Variants in CNOT4 observed in about 807,000 individuals in gnomAD.
CNOT4 encodes the protein CCR4-associated factor 4.
CNOT4 carries 8 observed loss-of-function variants against 73.8 expected under a neutral mutation model. That is an observed-to-expected ratio of 0.11 (90% CI 0.06 to 0.20). The LOEUF (loss-of-function observed/expected upper bound fraction) is 0.20, where lower values mean the gene tolerates loss of function less well. Among genes scored for constraint, CNOT4 ranks in the 10% least tolerant of loss-of-function variants. The probability of loss-of-function intolerance (pLI) is 1.00; values close to 1 mark genes in which losing one functional copy is unlikely to be tolerated. For missense variants in CNOT4, 564 were observed against 883.4 expected (o/e 0.64, Z 4.58); for synonymous variants, 293 against 321.1 (o/e 0.91, Z 0.94).
intron 1 of CNOT4, among the ~76,000 whole-genome samples, chr7:135,503,544 T>C (rs1804144666): frequency 6.6e-6 from 1 of 152,192 alleles, no homozygotes; most frequent in Non-Finnish European, 1.5e-5. Context: ...AACAGGTACA[T>C]GGTGGTTCAT....
chr7:135,484,899 G>T (rs1802619639), intron 1 of CNOT4, among the ~76,000 whole-genome samples: 1 of 152,012 alleles, frequency 6.6e-6, no homozygotes, highest in Admixed American at 6.6e-5. Context: ...CAAAATACAT[G>T]CAGGATCTAT....
chr7:135,362,080 G>C lies in CNOT4; in HGVS notation c.*805C>G, dbSNP rs546663523. 2.0e-5 allele frequency: 3 copies of C among 152,672 alleles called. No individual in the cohort carries two copies. In the East Asian group the frequency reaches 5.8e-4, roughly 29 times the overall value. The allele number at this position is 152,672 out of a possible 1,614,324, so 9.5% of individuals were successfully genotyped here. ...TTTATGGTAAAACAAAAAAGATTCC[G>C]ACAGAGGAGAAGGACTGAAGAAATG... On this transcript the variant is annotated 3_prime_UTR_variant, in exon 12 of 12. Coordinates refer to ENST00000541284, the MANE Select transcript of CNOT4 (RefSeq NM_001190850.2).
intron 10 of CNOT4, among the ~76,000 whole-genome samples, chr7:135,389,579 CAT>C (rs1346292107): frequency 2.2e-4 from 33 of 152,010 alleles, no homozygotes; most frequent in Non-Finnish European, 4.4e-4. Flanking sequence ...TTGTTTCACA[CAT>C]GACTCAAAAT....
At chr7:135,505,339 G>A (rs527283917) in intron 1 of CNOT4, among the ~76,000 whole-genome samples, 1 of 152,272 alleles carries the variant, frequency 6.6e-6, no homozygotes, top group South Asian at 2.1e-4. Context: ...CAGATCACGA[G>A]GTCAGCAGTT....
chr7:135,502,055 A>T (rs1173692706), intron 1 of CNOT4, among the ~76,000 whole-genome samples: 1 of 152,070 alleles, frequency 6.6e-6, no homozygotes, highest in Admixed American at 6.5e-5. Context: ...TTGCTCTTCT[A>T]CCTTACACCA....
intron 1 of CNOT4, among the ~76,000 whole-genome samples, chr7:135,503,274 G>A (rs141238684): frequency 6.6e-6 from 1 of 152,162 alleles, no homozygotes; most frequent in East Asian, 1.9e-4. Flanking sequence ...AGACTACCCT[G>A]GGCAACAGGG....
At chr7:135,428,848 C>T (rs1383603061) in intron 2 of CNOT4, among the ~76,000 whole-genome samples, 2 of 152,250 alleles carry the variant, frequency 1.3e-5, no homozygotes, top group African/African-American at 4.8e-5. Context: ...TAAAAAGTCT[C>T]CCAAGGAGGA....
intron 1 of CNOT4, among the ~76,000 whole-genome samples, chr7:135,498,144 T>C (rs1479796379): frequency 1.3e-5 from 2 of 151,666 alleles, no homozygotes; most frequent in African/African-American, 4.9e-5. Flanking sequence ...AACATTCATA[T>C]GTAGGAAGCC....
At position 135,391,050 on chromosome 7, in the gene CNOT4, G is replaced by C. The variant is rs188413996; in HGVS notation, c.1627+2868C>G. Among the ~76,000 whole-genome samples, 326 of 152,160 alleles carry C rather than the reference G, an allele frequency of 2.1e-3. 1 individual carries two copies. Among genetic ancestry groups the C allele is most frequent in the Admixed American group, 3.3e-3 (50 of 15,286 alleles). On this transcript the variant is annotated intron_variant, in intron 10 of 11. Coordinates refer to ENST00000541284, the MANE Select transcript of CNOT4 (RefSeq NM_001190850.2). ...TGCCAATAGTTCAACTCAGGTGCAA[G>C]TGAGTTAGAACAGGTGCAAGTGAGT... is the stretch of plus-strand genomic sequence containing the variant.
intron 1 of CNOT4, among the ~76,000 whole-genome samples, chr7:135,479,892 AAAAAC>A (rs1802255807): frequency 6.6e-6 from 1 of 152,186 alleles, no homozygotes; most frequent in East Asian, 1.9e-4. Context: ...CTTACATCAA[AAAAAC>A]AAAACAAAAC....
intron 1 of CNOT4, among the ~76,000 whole-genome samples, chr7:135,471,994 G>A (rs1801610697): frequency 6.6e-6 from 1 of 151,906 alleles, no homozygotes; most frequent in Non-Finnish European, 1.5e-5. Context: ...GCAACATGGT[G>A]AAACCCTGTC....
At chr7:135,373,444 A>C (rs1425609836) in intron 10 of CNOT4, among the ~76,000 whole-genome samples, 1 of 152,254 alleles carries the variant, frequency 6.6e-6, no homozygotes, top group Non-Finnish European at 1.5e-5. Flanking sequence ...AATGAGTTTA[A>C]ATCTTTAGAC....
chr7:135,490,156 G>A (rs551845344), intron 1 of CNOT4, among the ~76,000 whole-genome samples: 6 of 152,042 alleles, frequency 3.9e-5, no homozygotes, highest in Admixed American at 6.6e-5. Context: ...CGATTTCTTC[G>A]TTACATATTA....
At chr7:135,438,790 T>C (rs992249232) in intron 1 of CNOT4, among the ~76,000 whole-genome samples, 1 of 152,184 alleles carries the variant, frequency 6.6e-6, no homozygotes, top group Non-Finnish European at 1.5e-5. Context: ...AGAAGACTAT[T>C]ACACTATTCT....
At chr7:135,371,512 G>C (rs1224820860) in intron 10 of CNOT4, among the ~76,000 whole-genome samples, 2 of 152,094 alleles carry the variant, frequency 1.3e-5, no homozygotes, top group Admixed American at 1.3e-4. Context: ...AGAACACAGG[G>C]ACACACAGGC....
At chr7:135,411,077 T>C (rs1797565401) in intron 6 of CNOT4, among the ~76,000 whole-genome samples, 1 of 152,050 alleles carries the variant, frequency 6.6e-6, no homozygotes, top group Non-Finnish European at 1.5e-5. Flanking sequence ...CAGTCTCCTT[T>C]TTAATTTGGA....
chr7:135,470,223 A>G (rs567450874), intron 1 of CNOT4, among the ~76,000 whole-genome samples: 1 of 152,032 alleles, frequency 6.6e-6, no homozygotes, highest in Non-Finnish European at 1.5e-5. Flanking sequence ...TTGACCTCCC[A>G]GGCTCAAGCA....
At chr7:135,377,967 T>C (rs1157488072) in intron 10 of CNOT4, among the ~76,000 whole-genome samples, 7 of 152,322 alleles carry the variant, frequency 4.6e-5, no homozygotes, top group African/African-American at 1.4e-4. Flanking sequence ...ACTGTTTTAC[T>C]GAAAAAAATT....
intron 1 of CNOT4, chr7:135,444,652 C>A: frequency 8.6e-7 from 1 of 1,160,814 alleles, no homozygotes; most frequent in South Asian, 1.2e-5. Flanking sequence ...CTCCACTGGA[C>A]TAGCAAGAAG....
Sources: gnomAD v4.1 joint callset for allele counts (sites outside exome capture counted in the v4.1 genomes callset) on GRCh38, gnomAD v4.1.1 for gene constraint, MANE v1.5 for transcripts, NCBI Gene and HGNC (gene_info 2026-07-23, HGNC 2026-07-21) for gene names.